The following TMEM182 variants were observed in gnomAD, a reference collection of about 807,000 sequenced individuals.
TMEM182 encodes the protein transmembrane protein 182.
In TMEM182, 20 loss-of-function variants were observed where a neutral mutation model predicts 26.8. The observed-to-expected ratio is 0.75, with a 90% CI of 0.53 to 1.09. The LOEUF (loss-of-function observed/expected upper bound fraction) is 1.09, where lower values mean the gene tolerates loss of function less well. Among genes scored for constraint, TMEM182 ranks in the 50% least tolerant of loss-of-function variants. The probability of loss-of-function intolerance (pLI) is 0.00; values close to 1 mark genes in which losing one functional copy is unlikely to be tolerated. For synonymous variants in TMEM182, 109 were observed against 102.2 expected (o/e 1.07, Z -0.40); for missense variants, 277 against 275.5 (o/e 1.01, Z -0.04).
intron 4 of TMEM182, among the ~76,000 whole-genome samples, chr2:102,800,790 G>A (rs551832233): frequency 1.4e-5 from 2 of 138,892 alleles, no homozygotes; most frequent in East Asian, 4.3e-4. Flanking sequence ...TTCTGGTTTT[G>A]GACAGTTTGT....
At chr2:102,837,781 A>C (rs1172104519) in intron 3 of TMEM182, among the ~76,000 whole-genome samples, 1 of 152,176 alleles carries the variant, frequency 6.6e-6, no homozygotes, top group Non-Finnish European at 1.5e-5. Flanking sequence ...CCCCAGACCC[A>C]ACCACGCAGG....
chr2:102,743,613 C>G (rs183429104), intron 1 of TMEM182, among the ~76,000 whole-genome samples: 43 of 152,186 alleles, frequency 2.8e-4, no homozygotes, highest in Non-Finnish European at 5.7e-4. Context: ...GGTATTCATT[C>G]CACTATATGA....
intron 3 of TMEM182, among the ~76,000 whole-genome samples, chr2:102,772,005 C>G (rs1308863377): frequency 6.6e-6 from 1 of 152,184 alleles, no homozygotes. Context: ...ACTTCTAACC[C>G]AGGCCCAGGA....
chr2:102,767,701 G>T (rs1680509123), intron 3 of TMEM182, among the ~76,000 whole-genome samples: 1 of 152,072 alleles, frequency 6.6e-6, no homozygotes, highest in Non-Finnish European at 1.5e-5. Flanking sequence ...TGTCTAGAAT[G>T]ACTTTATGCA....
At chr2:102,790,937 T>C (rs1229846340) in intron 3 of TMEM182, among the ~76,000 whole-genome samples, 2 of 152,138 alleles carry the variant, frequency 1.3e-5, no homozygotes, top group East Asian at 1.9e-4. Flanking sequence ...GTTAACTTAT[T>C]TATTGAATTT....
chr2:102,821,702 A>G (rs1242426080), downstream of TMEM182, among the ~76,000 whole-genome samples: 1 of 152,184 alleles, frequency 6.6e-6, no homozygotes, highest in African/African-American at 2.4e-5. Flanking sequence ...TTTGTTCAAA[A>G]GTTACCTTCT....
chr2:102,800,159 A>T (rs1235686121), intron 4 of TMEM182, among the ~76,000 whole-genome samples: 1 of 152,216 alleles, frequency 6.6e-6, no homozygotes, highest in Non-Finnish European at 1.5e-5. Context: ...TGTAATCAAC[A>T]TACAACCTAC....
At chr2:102,743,936 T>C (rs13413576) in intron 1 of TMEM182, among the ~76,000 whole-genome samples, 1,628 of 152,288 alleles carry the variant, frequency 0.011, 35 homozygotes, top group African/African-American at 0.037. Flanking sequence ...TGTATGAACC[T>C]AACAAAGTAC....
At chr2:102,828,417 A>G (rs1683085336) in intron 3 of TMEM182, among the ~76,000 whole-genome samples, 1 of 152,226 alleles carries the variant, frequency 6.6e-6, no homozygotes, top group African/African-American at 2.4e-5. Context: ...CTGCCTGTGT[A>G]ATTGAAATAG....
chr2:102,738,880 G>A (rs1679464146), intron 1 of TMEM182, among the ~76,000 whole-genome samples: 1 of 152,120 alleles, frequency 6.6e-6, no homozygotes, highest in Admixed American at 6.6e-5. Context: ...CTGGCAAAAT[G>A]TGGATAAAGG....
upstream of TMEM182, among the ~76,000 whole-genome samples, chr2:102,759,592 A>T (rs1680147054): frequency 6.6e-6 from 1 of 152,178 alleles, no homozygotes; most frequent in African/African-American, 2.4e-5. Flanking sequence ...ATATTGCATT[A>T]ATTATAGAAT....
chr2:102,841,514 G>A (rs565980018), intron 3 of TMEM182, among the ~76,000 whole-genome samples: 1 of 152,284 alleles, frequency 6.6e-6, no homozygotes, highest in African/African-American at 2.4e-5. Flanking sequence ...AAAGGTTCTT[G>A]AACCAAAACT....
chr2:102,779,870 G>T (rs1681089371), intron 3 of TMEM182, among the ~76,000 whole-genome samples: 1 of 152,104 alleles, frequency 6.6e-6, no homozygotes. Context: ...GGGTGTGGCG[G>T]TGGGTGCCTG....
upstream of TMEM182, chr2:102,758,496 A>G (rs764201894): frequency 6.7e-5 from 48 of 717,054 alleles, no homozygotes; most frequent in Non-Finnish European, 1.1e-4. Flanking sequence ...TCATGTCTTC[A>G]TTAGCAAAAG....
chr2:102,745,944 G>A (rs1679683255), intron 1 of TMEM182, among the ~76,000 whole-genome samples: 1 of 152,158 alleles, frequency 6.6e-6, no homozygotes, highest in South Asian at 2.1e-4. Context: ...GGTAACATAT[G>A]TTTTTATTTC....
At chr2:102,819,287 AG>A (rs1682859589), downstream of TMEM182, among the ~76,000 whole-genome samples, 1 of 152,208 alleles carries the variant, frequency 6.6e-6, no homozygotes, top group African/African-American at 2.4e-5. Flanking sequence ...ACTACCAAAG[AG>A]TGATGTGTAA....
At chr2:102,839,863 G>A (rs1481695704) in intron 3 of TMEM182, among the ~76,000 whole-genome samples, 1 of 152,206 alleles carries the variant, frequency 6.6e-6, no homozygotes, top group Non-Finnish European at 1.5e-5. Context: ...CAGAAGGTTA[G>A]AGGATCCCTG....
chr2:102,769,440 G>C (rs1680588458), intron 3 of TMEM182, among the ~76,000 whole-genome samples: 1 of 152,142 alleles, frequency 6.6e-6, no homozygotes, highest in Non-Finnish European at 1.5e-5. Flanking sequence ...ACAGTAAAAA[G>C]TAATGTGGAC....
intron 3 of TMEM182, among the ~76,000 whole-genome samples, chr2:102,825,532 T>G (rs1043575883): frequency 2.2e-4 from 34 of 152,230 alleles, no homozygotes; most frequent in African/African-American, 8.2e-4. Context: ...GTTTGAGTCT[T>G]TGGCCTTAGA....
Sources: gnomAD v4.1 joint callset for allele counts (sites outside exome capture counted in the v4.1 genomes callset) on GRCh38, gnomAD v4.1.1 for gene constraint, MANE v1.5 for transcripts, NCBI Gene and HGNC (gene_info 2026-07-23, HGNC 2026-07-21) for gene names.